The following CPA6 variants were observed in gnomAD, a reference collection of about 807,000 sequenced individuals.
CPA6 encodes carboxypeptidase A6.
Under a neutral mutation model 63.3 loss-of-function variants are expected in CPA6, and 58 were observed. That is an observed-to-expected ratio of 0.92 (90% CI 0.74 to 1.14). The LOEUF (loss-of-function observed/expected upper bound fraction) is 1.14, where lower values mean the gene tolerates loss of function less well. CPA6 is among the 50% of genes most tolerant of loss of function. The pLI is 0.00. For synonymous variants in CPA6, 185 were observed against 179.0 expected (o/e 1.03, Z -0.27); for missense variants, 565 against 526.6 (o/e 1.07, Z -0.71).
intron 2 of CPA6, among the ~76,000 whole-genome samples, chr8:67,531,650 A>C (rs1812480242): frequency 6.6e-6 from 1 of 152,170 alleles, no homozygotes; most frequent in South Asian, 2.1e-4. Context: ...ATCTGAATGC[A>C]TCCAACATTG....
chr8:67,484,827 C>T (rs1811442485), intron 6 of CPA6, 38 bp from the exon 7 acceptor site: 3 of 1,194,816 alleles, frequency 2.5e-6, no homozygotes, highest in Non-Finnish European at 3.7e-6. Context: ...TTAAATTGGT[C>T]CCCAAAAGAG....
intron 8 of CPA6, among the ~76,000 whole-genome samples, chr8:67,482,274 A>T (rs1310130234): frequency 3.3e-5 from 5 of 152,218 alleles, no homozygotes; most frequent in African/African-American, 4.8e-5. Context: ...TATATGACAT[A>T]TATGTGGATG....
chr8:67,553,391 A>G (rs1812992319), intron 2 of CPA6, among the ~76,000 whole-genome samples: 2 of 152,238 alleles, frequency 1.3e-5, no homozygotes, highest in Admixed American at 6.5e-5. Context: ...AAAAACAGAT[A>G]AACAATTTTA....
At chr8:67,672,100 G>T (rs1443576805) in intron 1 of CPA6, among the ~76,000 whole-genome samples, 1 of 152,092 alleles carries the variant, frequency 6.6e-6, no homozygotes, top group Non-Finnish European at 1.5e-5. Context: ...AAAGTGCTGG[G>T]ATTACAGGTG....
chr8:67,539,022 G>A (rs1176653529), intron 2 of CPA6, among the ~76,000 whole-genome samples: 5 of 152,280 alleles, frequency 3.3e-5, no homozygotes, highest in East Asian at 3.9e-4. Context: ...TGTTATGTGT[G>A]AATTTGATCC....
At chr8:67,461,459 T>C (rs1356051820) in intron 8 of CPA6, among the ~76,000 whole-genome samples, 4 of 151,496 alleles carry the variant, frequency 2.6e-5, no homozygotes, top group African/African-American at 4.9e-5. Context: ...CCATGTCTAC[T>C]ACTTTCTACA....
intron 1 of CPA6, among the ~76,000 whole-genome samples, chr8:67,726,232 G>A (rs1231682491): frequency 2.0e-5 from 3 of 152,184 alleles, no homozygotes; most frequent in Non-Finnish European, 4.4e-5. Context: ...CACTGGTGAT[G>A]TCTACTCAAA....
intron 1 of CPA6, among the ~76,000 whole-genome samples, chr8:67,670,637 G>A (rs1229493807): frequency 6.6e-6 from 1 of 152,016 alleles, no homozygotes; most frequent in Non-Finnish European, 1.5e-5. Flanking sequence ...TAGTCCGAGG[G>A]AATAAAGAAA....
At chr8:67,693,915 C>T (rs774993285) in intron 1 of CPA6, among the ~76,000 whole-genome samples, 1 of 152,150 alleles carries the variant, frequency 6.6e-6, no homozygotes, top group Non-Finnish European at 1.5e-5. Flanking sequence ...GGGCCTTCTG[C>T]CTCAGTGAAA....
At chr8:67,675,924 G>A (rs545827806) in intron 1 of CPA6, among the ~76,000 whole-genome samples, 3 of 152,176 alleles carry the variant, frequency 2.0e-5, no homozygotes, top group Non-Finnish European at 4.4e-5. Flanking sequence ...TGATCATAGT[G>A]CACTACAGCC....
intron 8 of CPA6, chr8:67,452,535 A>G (rs1810578190): frequency 6.6e-6 from 1 of 152,218 alleles, no homozygotes; most frequent in South Asian, 2.1e-4. Flanking sequence ...ACTTACATGT[A>G]GATACTTTCA....
In CPA6 at chr8:67,635,107, C is replaced by A. The variant is rs181078330; in HGVS notation, c.117-10856G>T. Reference sequence around the variant, plus strand: ...CTTGTTATGTTGCCCAGGCTGTTCTCTAACTCCTGCACTCAACTGATCCTT... The same window carrying A: ...CTTGTTATGTTGCCCAGGCTGTTCTATAACTCCTGCACTCAACTGATCCTT... On this transcript the variant is annotated intron_variant, in intron 1 of 10. Coordinates refer to ENST00000297770, the MANE Select transcript of CPA6 (RefSeq NM_020361.5). Among the ~76,000 whole-genome samples the A allele has an allele frequency of 1.8e-4, 27 of 151,578 alleles. No homozygotes were observed. In the East Asian group the frequency reaches 5.2e-3, roughly 29 times the overall value.
chr8:67,631,669 C>G (rs1339876593), intron 1 of CPA6, among the ~76,000 whole-genome samples: 1 of 152,232 alleles, frequency 6.6e-6, no homozygotes, highest in East Asian at 1.9e-4. Flanking sequence ...GGGTTCTCTT[C>G]CACCCTGTGT....
chr8:67,614,234 T>C (rs1255755289), intron 2 of CPA6, among the ~76,000 whole-genome samples: 1 of 152,204 alleles, frequency 6.6e-6, no homozygotes, highest in Admixed American at 6.5e-5. Flanking sequence ...TGCACTTGCC[T>C]GTCTGCATGC....
rs1008477094 is a variant in CPA6 at position 67,716,111 on chromosome 8, G to A, written c.116+29903C>T. Among the ~76,000 whole-genome samples the A allele has an allele frequency of 6.7e-5, 9 of 133,458 alleles. No individual in the cohort carries two copies. In the South Asian group the frequency reaches 7.2e-4, roughly 11 times the overall value. 87.6% of individuals were successfully genotyped at this position (133,458 alleles called of 152,430 possible). On this transcript the variant is annotated intron_variant, in intron 1 of 10. Coordinates refer to ENST00000297770, the MANE Select transcript of CPA6 (RefSeq NM_020361.5). ...GGAGGTTGCAGTGAGCCGAGATCAC[G>A]CCATTGTACTCCAGCCTGGGCGAGA... is the stretch of plus-strand genomic sequence containing the variant.
At chr8:67,642,621 A>G (rs2128990135) in intron 1 of CPA6, among the ~76,000 whole-genome samples, 1 of 152,302 alleles carries the variant, frequency 6.6e-6, no homozygotes, top group East Asian at 1.9e-4. Flanking sequence ...AGGACTGTGG[A>G]ACTGGCATGA....
intron 1 of CPA6, among the ~76,000 whole-genome samples, chr8:67,743,885 G>C (rs1361052933): frequency 2.0e-5 from 3 of 152,244 alleles, no homozygotes; most frequent in East Asian, 1.9e-4. Flanking sequence ...AACTAGGGCT[G>C]CCCCTTCATT....
chr8:67,501,352 G>T (rs781649888), intron 6 of CPA6, among the ~76,000 whole-genome samples: 20 of 151,946 alleles, frequency 1.3e-4, no homozygotes, highest in African/African-American at 4.8e-4. Flanking sequence ...AAAAATTCCA[G>T]TGTCCACGTG....
At chr8:67,682,855 A>G (rs1816625654) in intron 1 of CPA6, among the ~76,000 whole-genome samples, 1 of 152,202 alleles carries the variant, frequency 6.6e-6, no homozygotes, top group African/African-American at 2.4e-5. Context: ...TACATGGGAT[A>G]TTCCCTAGAG....
Sources: allele counts gnomAD v4.1 joint callset (sites outside exome capture counted in the v4.1 genomes callset), GRCh38; gene constraint gnomAD v4.1.1; transcripts MANE v1.5; gene names NCBI Gene and HGNC (gene_info 2026-07-23, HGNC 2026-07-21).